XKR6: variants seen among roughly 807,000 people sequenced by gnomAD.
The protein encoded by XKR6 is XK-related protein 6.
In XKR6, 22 loss-of-function variants were observed where a neutral mutation model predicts 56.7. The observed-to-expected ratio is 0.39, with a 90% CI of 0.28 to 0.55. The LOEUF is 0.55. Ranked by LOEUF, XKR6 falls within the 20% of genes least tolerant of loss-of-function variation. The pLI, the probability that XKR6 is intolerant of heterozygous loss-of-function variation, is 0.66. For missense variants in XKR6, 852 were observed against 889.0 expected (o/e 0.96, Z 0.53); for synonymous variants, 524 against 387.8 (o/e 1.35, Z -4.13).
At chr8:11,176,386 C>T (rs781123249) in intron 1 of XKR6, among the ~76,000 whole-genome samples, 8 of 152,034 alleles carry the variant, frequency 5.3e-5, no homozygotes, top group Non-Finnish European at 1.0e-4. Context: ...AGATCTGTTA[C>T]GTGTACTATG....
intron 1 of XKR6, among the ~76,000 whole-genome samples, chr8:11,007,260 T>C: frequency 6.6e-6 from 1 of 152,182 alleles, no homozygotes; most frequent in East Asian, 1.9e-4. Context: ...GCATTGTCCA[T>C]CTCCAGTGTC....
intron 1 of XKR6, among the ~76,000 whole-genome samples, chr8:10,996,563 C>T (rs867639364): frequency 3.3e-5 from 5 of 152,138 alleles, no homozygotes; most frequent in Non-Finnish European, 5.9e-5. Flanking sequence ...ACACCATACA[C>T]CCCCAGCTCC....
intron 1 of XKR6, among the ~76,000 whole-genome samples, chr8:11,172,491 C>T (rs78202250): frequency 0.046 from 6,942 of 152,134 alleles, 187 homozygotes; most frequent in African/African-American, 0.057. Context: ...TGTTTTGTTC[C>T]AAATTTTAGA....
chr8:11,021,945 T>G (rs1327273499), intron 1 of XKR6, among the ~76,000 whole-genome samples: 2 of 151,844 alleles, frequency 1.3e-5, no homozygotes, highest in Non-Finnish European at 2.9e-5. Flanking sequence ...ACCAGCTGCT[T>G]ACTTTGTGTT....
At chr8:11,007,286 G>A (rs1186258022) in intron 1 of XKR6, among the ~76,000 whole-genome samples, 3 of 152,180 alleles carry the variant, frequency 2.0e-5, no homozygotes, top group South Asian at 2.1e-4. Context: ...ATGTATGATA[G>A]TTAAATGCCT....
At chr8:11,172,029 G>C (rs560857163) in intron 1 of XKR6, among the ~76,000 whole-genome samples, 4 of 150,322 alleles carry the variant, frequency 2.7e-5, no homozygotes, top group African/African-American at 9.8e-5. Flanking sequence ...CTCCAGATTG[G>C]GTGACAGAGC....
intron 1 of XKR6, among the ~76,000 whole-genome samples, chr8:11,187,498 G>A (rs1021239881): frequency 6.6e-6 from 1 of 152,198 alleles, no homozygotes; most frequent in Non-Finnish European, 1.5e-5. Flanking sequence ...AAATGGGAAT[G>A]ACAACAGTAT....
intron 2 of XKR6, among the ~76,000 whole-genome samples, chr8:10,901,696 C>G (rs188890279): frequency 1.3e-5 from 2 of 152,266 alleles, no homozygotes; most frequent in African/African-American, 2.4e-5. Context: ...TCTAATAAAG[C>G]AAACTCTATT....
intron 1 of XKR6, among the ~76,000 whole-genome samples, chr8:10,969,841 C>A (rs1435427428): frequency 6.6e-6 from 1 of 152,218 alleles, no homozygotes; most frequent in African/African-American, 2.4e-5. Context: ...CGCTCACCTG[C>A]CTGGGGTGGT....
intron 1 of XKR6, among the ~76,000 whole-genome samples, chr8:10,946,441 C>T (rs1311152232): frequency 6.6e-6 from 1 of 152,032 alleles, no homozygotes; most frequent in Non-Finnish European, 1.5e-5. Context: ...GTGGCTGAAA[C>T]ACTCTAGTGT....
intron 1 of XKR6, among the ~76,000 whole-genome samples, chr8:11,076,379 T>C (rs920583617): frequency 2.0e-5 from 3 of 152,178 alleles, no homozygotes; most frequent in Non-Finnish European, 2.9e-5. Context: ...AGATTTTATA[T>C]TATGCATATT....
chr8:11,120,550 T>C (rs1283502110), intron 1 of XKR6, among the ~76,000 whole-genome samples: 2 of 152,028 alleles, frequency 1.3e-5, no homozygotes, highest in East Asian at 1.9e-4. Context: ...TACAAACAAA[T>C]GGAAGAACAT....
Position 10,897,610 on chromosome 8 carries a change from G to T in XKR6, c.*342C>A, listed in dbSNP as rs1204664051. The T allele has an allele frequency of 2.5e-5, 5 of 199,026 alleles. No individual in the cohort carries two copies. Among genetic ancestry groups the T allele is most frequent in the Non-Finnish European group, 5.0e-5 (5 of 99,308 alleles). The allele number at this position is 199,026 out of a possible 1,614,324, so 12.3% of individuals were successfully genotyped here. A position where few individuals can be genotyped will look rare whatever the true frequency, so the allele number is the denominator to read the frequency against. On this transcript the variant is annotated 3_prime_UTR_variant, in exon 3 of 3. Transcript: ENST00000416569. Reference sequence around the variant, plus strand: ...TAAAAAACTTTTTTTTTTTCTTTTGGAGTGGAGATAACTCCTCCTTCTCCA... The same window carrying T: ...TAAAAAACTTTTTTTTTTTCTTTTGTAGTGGAGATAACTCCTCCTTCTCCA...
At chr8:11,015,613 G>C (rs1419091205) in intron 1 of XKR6, among the ~76,000 whole-genome samples, 1 of 152,152 alleles carries the variant, frequency 6.6e-6, no homozygotes, top group Admixed American at 6.5e-5. Flanking sequence ...GGGCTTCTCC[G>C]GCCTCAGGCA....
At position 11,126,211 on chromosome 8, in the gene XKR6, GGCGT is replaced by G. The variant is rs1799785724; in HGVS notation, c.764+74361_764+74364del. The G allele has an allele frequency of 3.5e-4, 53 of 152,116 alleles. 1 individual carries two copies. Among genetic ancestry groups the G allele is most frequent in the Non-Finnish European group, 1.0e-4 (7 of 68,144 alleles). 9.4% of individuals were successfully genotyped at this position (152,116 alleles called of 1,614,324 possible). On this transcript the variant is annotated intron_variant, in intron 1 of 2. Coordinates refer to ENST00000416569, the MANE Select transcript of XKR6 (RefSeq NM_173683.4). The stretch of plus-strand genomic sequence containing the variant: ...AGCCTCCTGAGTAGCTAGGATTACA[GGCGT>G]GCACTACCACGCCCGGCTAATTTTT...
At chr8:11,154,227 T>C (rs114827899) in intron 1 of XKR6, among the ~76,000 whole-genome samples, 2,114 of 152,292 alleles carry the variant, frequency 0.014, 52 homozygotes, top group African/African-American at 0.048. Context: ...ACGATACCAG[T>C]AGACATGGTG....
intron 1 of XKR6, among the ~76,000 whole-genome samples, chr8:11,099,171 T>A (rs1291741633): frequency 6.6e-6 from 1 of 152,232 alleles, no homozygotes; most frequent in Non-Finnish European, 1.5e-5. Flanking sequence ...GAACCACATC[T>A]CCTTTCTTCA....
At chr8:10,973,865 G>T (rs560073460) in intron 1 of XKR6, among the ~76,000 whole-genome samples, 1 of 152,202 alleles carries the variant, frequency 6.6e-6, no homozygotes, top group Non-Finnish European at 1.5e-5. Flanking sequence ...AATTACAGGC[G>T]TGAGCCACCA....
At chr8:11,143,978 T>G (rs1161752942) in intron 1 of XKR6, among the ~76,000 whole-genome samples, 4 of 152,140 alleles carry the variant, frequency 2.6e-5, no homozygotes, top group Non-Finnish European at 4.4e-5. Context: ...TCACAGGGCC[T>G]TTCCTCTGTG....
Sources: gnomAD v4.1 joint callset for allele counts (sites outside exome capture counted in the v4.1 genomes callset) on GRCh38, gnomAD v4.1.1 for gene constraint, MANE v1.5 for transcripts, NCBI Gene and HGNC (gene_info 2026-07-23, HGNC 2026-07-21) for gene names.